CEP57L1: variants seen among roughly 807,000 people sequenced by gnomAD.
CEP57L1 encodes the protein centrosomal protein 57 like 1.
CEP57L1 carries 37 observed loss-of-function variants against 61.0 expected under a neutral mutation model. The observed-to-expected ratio is 0.61, with a 90% CI of 0.47 to 0.80. CEP57L1 has a LOEUF of 0.80. Among genes scored for constraint, CEP57L1 ranks in the 30% least tolerant of loss-of-function variants. The pLI is 0.00. For synonymous variants in CEP57L1, 137 were observed against 162.3 expected, an observed-to-expected ratio of 0.84 and a Z score of 1.19; for missense variants, 422 against 524.7, an observed-to-expected ratio of 0.80 and a Z score of 1.91.
In CEP57L1 at chr6:109,164,499, C is replaced by T. The variant is rs1271277480; in HGVS notation, c.*1529C>T. On this transcript the variant is annotated 3_prime_UTR_variant, in exon 11 of 11. Coordinates refer to ENST00000517392, the MANE Select transcript of CEP57L1 (RefSeq NM_001271852.3). ...AGCTTTCACTCCCACTCATTCACAC[C>T]CTTAGCTCCTCAGCCCTGGAGATGT... Among the ~76,000 whole-genome samples, 1 of 152,122 alleles carries T rather than the reference C, an allele frequency of 6.6e-6. No homozygotes were observed. Among genetic ancestry groups the T allele is most frequent in the Non-Finnish European group, 1.5e-5 (1 of 68,026 alleles).
At position 109,162,887 on chromosome 6, in the gene CEP57L1, C is replaced by T. The variant is rs764837044; in HGVS notation, c.1300C>T (p.Gln434Ter). Residue 434 changes from glutamine to a stop codon, truncating the protein, a stop_gained, in exon 11 of 11, where the codon CAG (glutamine) becomes TAG (stop). Coordinates refer to ENST00000517392, the MANE Select transcript of CEP57L1 (RefSeq NM_001271852.3). LOFTEE classifies it high-confidence loss of function. ...ATGTTTGACTGACACTAACCTTTTT[C>T]AGAAAAACAGCAGCTTTCATCCAAT... ...RKCLTDTNLF[Q>*]KNSSFHPIRV... is the part of the protein sequence containing the mutation. 3.1e-6 allele frequency: 5 copies of T among 1,613,118 alleles called. No homozygotes were observed. The highest frequency in any genetic ancestry group is 4.2e-6 in the Non-Finnish European group (5 of 1,179,370).
At chr6:109,150,533 G>T (rs781476172) in intron 4 of CEP57L1, among the ~76,000 whole-genome samples, 1 of 151,922 alleles carries the variant, frequency 6.6e-6, no homozygotes, top group East Asian at 1.9e-4. Flanking sequence ...TTGGTGGCAG[G>T]CATCTGTAAT....
rs771720477 is a variant in CEP57L1 at position 109,146,887 on chromosome 6, A to C, written c.290A>C (p.Glu97Ala). Residue 97 changes from glutamate (E) to alanine (A), a missense_variant, in exon 3 of 11, where the codon GAA becomes GCA. Transcript: ENST00000517392. The part of the protein sequence containing the change: ...AAQYKKALEN[E>A]TNERNLAHQE... The stretch of plus-strand genomic sequence containing the variant: ...CAGTATAAGAAGGCCTTAGAGAATG[A>C]AACAAATGAGAGAAATCTGGCACAC... 6.2e-7 allele frequency: 1 copy of C among 1,609,790 alleles called. No homozygotes were observed. The highest frequency in any genetic ancestry group is 1.3e-5 in the African/African-American group (1 of 74,618).
At chr6:109,108,010 G>A (rs185683988) in intron 1 of CEP57L1, among the ~76,000 whole-genome samples, 65 of 152,082 alleles carry the variant, frequency 4.3e-4, no homozygotes, top group African/African-American at 1.5e-3. Flanking sequence ...TTTTAGAAAT[G>A]TATGAAAACC....
chr6:109,107,750 G>A (rs528290971), intron 1 of CEP57L1, among the ~76,000 whole-genome samples: 2 of 152,156 alleles, frequency 1.3e-5, no homozygotes, highest in South Asian at 2.1e-4. Context: ...AGACCAGCTT[G>A]GCCAACATGG....
At chr6:109,117,609 C>T (rs1772454370) in intron 1 of CEP57L1, among the ~76,000 whole-genome samples, 1 of 152,208 alleles carries the variant, frequency 6.6e-6, no homozygotes, top group Admixed American at 6.5e-5. Flanking sequence ...ACTGTGACCT[C>T]TTCCTCTTTC....
At chr6:109,162,263 C>T (rs1025846386) in intron 10 of CEP57L1, among the ~76,000 whole-genome samples, 1 of 151,984 alleles carries the variant, frequency 6.6e-6, no homozygotes, top group Admixed American at 6.6e-5. Flanking sequence ...GTATAACTTT[C>T]AAAACTTGAT....
intron 7 of CEP57L1, chr6:109,157,004 T>A (rs1217655020): frequency 1.3e-5 from 2 of 152,078 alleles, no homozygotes; most frequent in East Asian, 3.9e-4. Context: ...TACTGCCCAG[T>A]ATGTATGTTT....
chr6:109,139,169 C>T (rs1236138694), intron 1 of CEP57L1, among the ~76,000 whole-genome samples: 2 of 152,140 alleles, frequency 1.3e-5, no homozygotes, highest in African/African-American at 4.8e-5. Context: ...AGGTAGGTAG[C>T]GTCTACAGTG....
rs1464117819 is a variant in CEP57L1 at position 109,167,509 on chromosome 6, C to G, written c.*4539C>G. On this transcript the variant is annotated 3_prime_UTR_variant, in exon 11 of 11. Coordinates refer to ENST00000517392, the MANE Select transcript of CEP57L1 (RefSeq NM_001271852.3). ...CCAGCCTGGCCAATGTAGTGAAACCCTGTCTCTACTAAAAATAAAAAAAAA... is the reference window on the plus strand; with the variant it reads ...CCAGCCTGGCCAATGTAGTGAAACCGTGTCTCTACTAAAAATAAAAAAAAA... Among the ~76,000 whole-genome samples, 1 of 152,022 alleles carries G rather than the reference C, an allele frequency of 6.6e-6. No individual in the cohort carries two copies. Among genetic ancestry groups the G allele is most frequent in the East Asian group, 1.9e-4 (1 of 5,190 alleles).
chr6:109,146,047 T>C lies in CEP57L1; in HGVS notation c.160+666T>C, dbSNP rs2114867219. Among the ~76,000 whole-genome samples the C allele has an allele frequency of 4.6e-5, 7 of 152,006 alleles. No individual in the cohort carries two copies. The South Asian group carries it at 1.5e-3, about 32-fold the overall frequency. On this transcript the variant is annotated intron_variant, in intron 2 of 10. Coordinates refer to ENST00000517392, the MANE Select transcript of CEP57L1 (RefSeq NM_001271852.3). Reference sequence around the variant, plus strand: ...ATCAATGTGCCAGCTACAGATATCATGTAAAGAGGAATAAATATAATTTAT... The same window carrying C: ...ATCAATGTGCCAGCTACAGATATCACGTAAAGAGGAATAAATATAATTTAT...
intron 1 of CEP57L1, chr6:109,129,345 A>C: frequency 1.7e-6 from 2 of 1,200,122 alleles, no homozygotes; most frequent in South Asian, 3.0e-5. Context: ...AATAATATAG[A>C]CTGCCGACAT....
chr6:109,110,709 G>A (rs987768075), intron 1 of CEP57L1, among the ~76,000 whole-genome samples: 7 of 152,202 alleles, frequency 4.6e-5, no homozygotes, highest in African/African-American at 1.7e-4. Context: ...TGTGTAAGGT[G>A]TAAGGGAGGG....
chr6:109,111,503 A>T (rs1236744104), intron 1 of CEP57L1, among the ~76,000 whole-genome samples: 1 of 152,178 alleles, frequency 6.6e-6, no homozygotes, highest in Non-Finnish European at 1.5e-5. Context: ...TCCTACTTGA[A>T]TACCCTTTAT....
chr6:109,098,758 G>T (rs1277371691), intron 1 of CEP57L1, among the ~76,000 whole-genome samples: 1 of 152,112 alleles, frequency 6.6e-6, no homozygotes, highest in Non-Finnish European at 1.5e-5. Context: ...CTCCCAAAGT[G>T]CTGAGATTAG....
chr6:109,121,661 T>G (rs1294442379), intron 1 of CEP57L1, among the ~76,000 whole-genome samples: 3 of 152,172 alleles, frequency 2.0e-5, no homozygotes, highest in Non-Finnish European at 4.4e-5. Context: ...ATTTTCCAAT[T>G]TCATTATCAA....
At chr6:109,154,580 T>C (rs1773021398) in intron 5 of CEP57L1, among the ~76,000 whole-genome samples, 1 of 152,192 alleles carries the variant, frequency 6.6e-6, no homozygotes, top group African/African-American at 2.4e-5. Context: ...CAAAATCTGA[T>C]ATACTCCAAA....
chr6:109,106,362 C>CCCTT (rs1770934940), intron 1 of CEP57L1, among the ~76,000 whole-genome samples: 1 of 152,000 alleles, frequency 6.6e-6, no homozygotes, highest in Non-Finnish European at 1.5e-5. Context: ...TTTTCTTTTT[C>CCCTT]TGTTTTGTCC....
intron 7 of CEP57L1, 104 bp downstream of exon 7, chr6:109,155,981 T>C (rs1468337866): frequency 1.8e-6 from 1 of 549,018 alleles, no homozygotes; most frequent in East Asian, 3.4e-5. Context: ...TTTGAAGATA[T>C]AAAATAAAAG....
Sources: allele counts gnomAD v4.1 joint callset (sites outside exome capture counted in the v4.1 genomes callset), GRCh38; gene constraint gnomAD v4.1.1; transcripts MANE v1.5; gene names NCBI Gene and HGNC (gene_info 2026-07-23, HGNC 2026-07-21).